CD38: variants seen among roughly 807,000 people sequenced by gnomAD.
The protein encoded by CD38 is CD38 molecule.
Under a neutral mutation model 36.3 loss-of-function variants are expected in CD38, and 31 were observed. The ratio of observed to expected loss-of-function variants is 0.85; its 90% CI spans 0.64 to 1.15. The LOEUF is 1.15. CD38 is among the 50% of genes most tolerant of loss of function. The probability of loss-of-function intolerance (pLI) is 0.00; values close to 1 mark genes in which losing one functional copy is unlikely to be tolerated. For missense variants in CD38, 380 were observed against 371.9 expected, an observed-to-expected ratio of 1.02 and a Z score of -0.18; for synonymous variants, 131 against 135.2, an observed-to-expected ratio of 0.97 and a Z score of 0.22.
At chr4:15,825,270 G>A (rs1723823866) in intron 3 of CD38, 1 of 402,782 alleles carries the variant, frequency 2.5e-6, no homozygotes, top group African/African-American at 2.0e-5. Context: ...ATCCACTTCG[G>A]GTGAAGGCCT....
chr4:15,840,515 A>C lies in CD38; in HGVS notation c.816A>C (p.Gln272His), dbSNP rs1478379857. Residue 272 changes from glutamine (Q) to histidine (H), a missense_variant, in exon 7 of 8, where the codon CAA (glutamine) becomes CAC (histidine). Gln to His is a conservative substitution (Grantham distance 24). Coordinates refer to ENST00000226279, the MANE Select transcript of CD38 (RefSeq NM_001775.4). Reference protein sequence around the residue: ...LESIISKRNIQFSCKNIYRPD... With the variant: ...LESIISKRNIHFSCKNIYRPD... ...CGATTATAAGCAAAAGGAATATTCA[A>C]TTTTCCTGCAAGAATATCTACAGGT... The C allele has an allele frequency of 1.3e-6, 2 of 1,594,598 alleles. No homozygotes were observed. The highest frequency in any genetic ancestry group is 4.5e-5 in the East Asian group (2 of 44,734).
At position 15,785,002 on chromosome 4, in the gene CD38, G is replaced by A. The variant is rs566542653; in HGVS notation, c.233+6355G>A. 2.6e-5 allele frequency among the ~76,000 whole-genome samples: 4 copies of A among 152,046 alleles called. No homozygotes were observed. In the East Asian group the frequency reaches 7.7e-4, roughly 29 times the overall value. On this transcript the variant is annotated intron_variant, in intron 1 of 7. Transcript: ENST00000226279. The stretch of plus-strand genomic sequence containing the variant: ...ACCTGGGAGGCGGAGGTTGCAATGA[G>A]CTGAGCTCACGCCACTACACTCCAG...
intron 1 of CD38, among the ~76,000 whole-genome samples, chr4:15,816,282 A>G (rs1173450108): frequency 2.6e-5 from 4 of 152,172 alleles, no homozygotes; most frequent in Admixed American, 2.0e-4. Flanking sequence ...GCCTCATAAA[A>G]TGACTTATGG....
intron 3 of CD38, 53 bp from the exon 4 acceptor site, chr4:15,834,164 C>T: frequency 1.7e-6 from 2 of 1,162,830 alleles, no homozygotes; most frequent in Non-Finnish European, 2.6e-6. Context: ...AAGAGTACAG[C>T]TTATTTATAC....
chr4:15,833,380 C>T (rs1163610335), intron 3 of CD38, among the ~76,000 whole-genome samples: 1 of 152,220 alleles, frequency 6.6e-6, no homozygotes, highest in Non-Finnish European at 1.5e-5. Context: ...GGTTTATTTT[C>T]ATGAAAACAT....
Position 15,824,005 on chromosome 4 carries a change from A to T in CD38, c.364-876A>T, listed in dbSNP as rs149197571. 5.9e-3 allele frequency among the ~76,000 whole-genome samples: 899 copies of T among 152,300 alleles called. 4 individuals are homozygous for T. Among genetic ancestry groups the T allele is most frequent in the African/African-American group, 0.018 (764 of 41,558 alleles). On this transcript the variant is annotated intron_variant, in intron 2 of 7. Transcript: ENST00000226279. The stretch of plus-strand genomic sequence containing the variant: ...GAACAAGATCATGTCCTTTGTAGGG[A>T]CATAGATGGAGCCAGAAGCCACATC...
At chr4:15,839,444 G>C (rs1370027577) in intron 5 of CD38, among the ~76,000 whole-genome samples, 1 of 91,168 alleles carries the variant, frequency 1.1e-5, no homozygotes. Context: ...TTTTTTTTGA[G>C]ATGGCGTCTC....
chr4:15,781,272 G>A (rs1722690091), intron 1 of CD38, among the ~76,000 whole-genome samples: 1 of 152,160 alleles, frequency 6.6e-6, no homozygotes, highest in Admixed American at 6.5e-5. Context: ...CTTTCTTCTA[G>A]TTGCTAACAA....
At chr4:15,842,366 A>C (rs1267699541) in intron 7 of CD38, among the ~76,000 whole-genome samples, 1 of 122,218 alleles carries the variant, frequency 8.2e-6, no homozygotes, top group Non-Finnish European at 1.7e-5. Context: ...GTTAGAAGGA[A>C]AACTAACAAC....
At chr4:15,816,433 A>T in intron 1 of CD38, 78 bp from the exon 2 acceptor site, 4 of 1,254,156 alleles carry the variant, frequency 3.2e-6, no homozygotes, top group Non-Finnish European at 4.4e-6. Context: ...CCTAAATAAG[A>T]TTCTAAAAAA....
In CD38 at chr4:15,849,361, T is replaced by C. The variant is rs1724338590; in HGVS notation, c.*759T>C. 1 of 152,236 alleles carries C rather than the reference T, an allele frequency of 6.6e-6. No individual in the cohort carries two copies. The highest frequency in any genetic ancestry group is 2.4e-5 in the African/African-American group (1 of 41,468). The allele number at this position is 152,236 out of a possible 1,614,324, so 9.4% of individuals were successfully genotyped here. Reference sequence around the variant, plus strand: ...TAGAGACTGAATTTGAACTCAACTCTGTCCAACTCCAAAATTCATGTGCTT... The same window carrying C: ...TAGAGACTGAATTTGAACTCAACTCCGTCCAACTCCAAAATTCATGTGCTT... On this transcript the variant is annotated 3_prime_UTR_variant, in exon 8 of 8. Transcript: ENST00000226279.
intron 1 of CD38, among the ~76,000 whole-genome samples, chr4:15,788,021 C>T (rs1370269756): frequency 1.3e-5 from 2 of 152,364 alleles, no homozygotes; most frequent in Non-Finnish European, 2.9e-5. Flanking sequence ...GAACAGCTGC[C>T]TTCAGCTTAT....
At position 15,851,289 on chromosome 4, in the gene CD38, A is replaced by G. The variant is rs1189561334; in HGVS notation, c.*2687A>G. The stretch of plus-strand genomic sequence containing the variant: ...AGGACTTTCTGACCTACATGTATAA[A>G]TACCCCCTCACAATATATATTACTT... On this transcript the variant is annotated 3_prime_UTR_variant, in exon 8 of 8. Coordinates refer to ENST00000226279, the MANE Select transcript of CD38 (RefSeq NM_001775.4). The G allele has an allele frequency of 6.6e-6, 1 of 152,096 alleles. No individual in the cohort carries two copies. Among genetic ancestry groups the G allele is most frequent in the African/African-American group, 2.4e-5 (1 of 41,382 alleles). 9.4% of individuals were successfully genotyped at this position (152,096 alleles called of 1,614,324 possible). A position where few individuals can be genotyped will look rare whatever the true frequency, so the allele number is the denominator to read the frequency against.
At position 15,824,994 on chromosome 4, in the gene CD38, G is replaced by A. The variant is rs139152162; in HGVS notation, c.477G>A (p.Trp159Ter). 6.2e-7 allele frequency: 1 copy of A among 1,613,092 alleles called. No homozygotes were observed. The highest frequency in any genetic ancestry group is 2.2e-5 in the East Asian group (1 of 44,838). ...LLGYLADDLT[W>*]CGEFNTSKIN... is the part of the protein sequence containing the mutation. ...GCTACCTTGCTGATGACCTCACATG[G>A]TGTGGTGAATTCAACACTTCCAGTG... Residue 159 changes from tryptophan to a stop codon, truncating the protein, a stop_gained, in exon 3 of 8, where the codon TGG (tryptophan) becomes TGA (stop). Transcript: ENST00000226279. LOFTEE classifies it high-confidence loss of function.
At position 15,816,556 on chromosome 4, in the gene CD38, T is replaced by C. The variant is rs934075015; in HGVS notation, c.279T>C (p.Phe93=). 1.2e-6 allele frequency: 2 copies of C among 1,613,672 alleles called. No individual in the cohort carries two copies. The highest frequency in any genetic ancestry group is 1.6e-4 in the Middle Eastern group (1 of 6,062). ...QSVWDAFKGA[F]ISKHPCNITE... ...TATGGGATGCTTTCAAGGGTGCATT[T>C]ATTTCAAAACATCCTTGCAACATTA... The change falls in exon 2 of 8, where the codon TTT becomes TTC. Residue 93 remains phenylalanine (F), a synonymous_variant. Transcript: ENST00000226279.
At chr4:15,806,621 C>T (rs1383668772) in intron 1 of CD38, among the ~76,000 whole-genome samples, 2 of 152,260 alleles carry the variant, frequency 1.3e-5, no homozygotes, top group Admixed American at 1.3e-4. Flanking sequence ...GGAGTCAATC[C>T]ACCTTGGGTA....
At chr4:15,783,382 CATGGATG>C (rs1331244234) in intron 1 of CD38, among the ~76,000 whole-genome samples, 1 of 152,182 alleles carries the variant, frequency 6.6e-6, no homozygotes, top group Non-Finnish European at 1.5e-5. Context: ...CAGCCCTCTC[CATGGATG>C]ATGGTGATTG....
intron 2 of CD38, among the ~76,000 whole-genome samples, chr4:15,818,228 G>A (rs80257176): frequency 0.089 from 13,493 of 152,110 alleles, 993 homozygotes; most frequent in African/African-American, 0.19. Context: ...AGTGCTAAGG[G>A]GGCTGGGAAG....
chr4:15,824,431 T>G (rs568815412), intron 2 of CD38, among the ~76,000 whole-genome samples: 2 of 152,312 alleles, frequency 1.3e-5, no homozygotes, highest in African/African-American at 4.8e-5. Context: ...ATTGTATTTT[T>G]TTTTTAGTAG....
Sources: allele counts gnomAD v4.1 joint callset (sites outside exome capture counted in the v4.1 genomes callset), GRCh38; gene constraint gnomAD v4.1.1; transcripts MANE v1.5; gene names NCBI Gene and HGNC (gene_info 2026-07-23, HGNC 2026-07-21).